PPP2R5E: variants seen among roughly 807,000 people sequenced by gnomAD.
The protein encoded by PPP2R5E is serine/threonine-protein phosphatase 2A 56 kDa regulatory subunit epsilon isoform.
A neutral mutation model predicts 65.3 loss-of-function variants in PPP2R5E; 4 were observed. That is an observed-to-expected ratio of 0.06 (90% CI 0.03 to 0.14). The LOEUF (loss-of-function observed/expected upper bound fraction) is 0.14, where lower values mean the gene tolerates loss of function less well. Among genes scored for constraint, PPP2R5E ranks in the 10% least tolerant of loss-of-function variants. PPP2R5E has a pLI of 1.00. For synonymous variants in PPP2R5E, 183 were observed against 187.4 expected, an observed-to-expected ratio of 0.98 and a Z score of 0.19; for missense variants, 274 against 556.1, an observed-to-expected ratio of 0.49 and a Z score of 5.10.
At chr14:63,522,210 T>A (rs1272833951) in intron 2 of PPP2R5E, among the ~76,000 whole-genome samples, 1 of 152,092 alleles carries the variant, frequency 6.6e-6, no homozygotes, top group East Asian at 1.9e-4. Flanking sequence ...CCTCCCGAGG[T>A]GCCGGGATTG....
At chr14:63,511,617 A>C (rs558648381) in intron 2 of PPP2R5E, among the ~76,000 whole-genome samples, 1 of 152,228 alleles carries the variant, frequency 6.6e-6, no homozygotes, top group Non-Finnish European at 1.5e-5. Flanking sequence ...GCCACCTAAC[A>C]GCATTATATA....
intron 2 of PPP2R5E, among the ~76,000 whole-genome samples, chr14:63,498,390 T>C (rs1891687040): frequency 6.6e-6 from 1 of 152,216 alleles, no homozygotes; most frequent in Non-Finnish European, 1.5e-5. Flanking sequence ...TCTTTTTTTC[T>C]TTTTAAGTCT....
chr14:63,449,519 G>A (rs1888691560), intron 3 of PPP2R5E, among the ~76,000 whole-genome samples: 1 of 152,192 alleles, frequency 6.6e-6, no homozygotes, highest in Non-Finnish European at 1.5e-5. Flanking sequence ...GCACCAGGAT[G>A]TATATATACA....
intron 3 of PPP2R5E, among the ~76,000 whole-genome samples, chr14:63,434,459 A>T (rs1028750562): frequency 6.6e-6 from 1 of 152,234 alleles, no homozygotes; most frequent in African/African-American, 2.4e-5. Context: ...TCCAGTGAAG[A>T]AGTACACAAC....
intron 3 of PPP2R5E, among the ~76,000 whole-genome samples, chr14:63,431,198 G>A (rs1887651220): frequency 6.6e-6 from 1 of 151,706 alleles, no homozygotes; most frequent in Non-Finnish European, 1.5e-5. Flanking sequence ...AACCCAGGAG[G>A]CAGCGGTTGC....
At chr14:63,413,237 T>C (rs750750228) in intron 5 of PPP2R5E, among the ~76,000 whole-genome samples, 24 of 152,224 alleles carry the variant, frequency 1.6e-4, no homozygotes, top group Non-Finnish European at 2.8e-4. Flanking sequence ...GATGTTTTTG[T>C]GTAAGAAAAG....
intron 13 of PPP2R5E, among the ~76,000 whole-genome samples, chr14:63,376,939 G>A (rs1172097086): frequency 5.9e-5 from 9 of 151,920 alleles, no homozygotes; most frequent in South Asian, 2.1e-4. Flanking sequence ...AGGCCGAGGC[G>A]GGTGGATCAT....
chr14:63,397,541 T>C (rs1316606318), intron 5 of PPP2R5E, among the ~76,000 whole-genome samples: 2 of 144,772 alleles, frequency 1.4e-5, no homozygotes, highest in Admixed American at 1.4e-4. Context: ...GGATAAGCCT[T>C]CAGCTCTACT....
intron 5 of PPP2R5E, 63 bp from the exon 6 acceptor site, chr14:63,396,779 T>C: frequency 6.4e-7 from 1 of 1,573,558 alleles, no homozygotes; most frequent in Non-Finnish European, 8.6e-7. Flanking sequence ...TTAGGAATTC[T>C]ATTATTTAAA....
chr14:63,483,665 G>C (rs1329515597), intron 2 of PPP2R5E, among the ~76,000 whole-genome samples: 1 of 152,170 alleles, frequency 6.6e-6, no homozygotes, highest in Non-Finnish European at 1.5e-5. Context: ...AGCTCCTGCA[G>C]GCAGCTCCAT....
chr14:63,444,328 A>T (rs140900050), intron 3 of PPP2R5E, among the ~76,000 whole-genome samples: 4 of 152,280 alleles, frequency 2.6e-5, no homozygotes, highest in South Asian at 2.1e-4. Flanking sequence ...GCCTTCCTTA[A>T]CCACCCTTCT....
intron 3 of PPP2R5E, among the ~76,000 whole-genome samples, chr14:63,435,351 T>G (rs1887904068): frequency 1.3e-5 from 2 of 152,164 alleles, no homozygotes; most frequent in South Asian, 4.1e-4. Flanking sequence ...TATGGGTGAT[T>G]CTTTTTTTTG....
At chr14:63,458,309 TAG>T (rs1555362218) in intron 2 of PPP2R5E, among the ~76,000 whole-genome samples, 2 of 152,246 alleles carry the variant, frequency 1.3e-5, no homozygotes, top group Non-Finnish European at 2.9e-5. Context: ...TCTTCCCTAC[TAG>T]TCCACTTCCA....
At chr14:63,407,957 T>C (rs1886183252) in intron 5 of PPP2R5E, among the ~76,000 whole-genome samples, 1 of 152,246 alleles carries the variant, frequency 6.6e-6, no homozygotes, top group South Asian at 2.1e-4. Context: ...AATAAACTTC[T>C]GTTCTTTATA....
chr14:63,408,912 T>A (rs999865076), intron 5 of PPP2R5E, among the ~76,000 whole-genome samples: 3 of 152,142 alleles, frequency 2.0e-5, no homozygotes, highest in Non-Finnish European at 4.4e-5. Flanking sequence ...CTGGCCAACA[T>A]GGTGAAACCA....
intron 2 of PPP2R5E, among the ~76,000 whole-genome samples, chr14:63,475,670 A>G (rs1356048420): frequency 6.6e-6 from 1 of 152,246 alleles, no homozygotes; most frequent in Non-Finnish European, 1.5e-5. Context: ...GCAAAGAAGA[A>G]CTGTTTATAG....
chr14:63,509,570 C>A (rs1033409164), intron 2 of PPP2R5E, among the ~76,000 whole-genome samples: 2 of 152,118 alleles, frequency 1.3e-5, no homozygotes, highest in Non-Finnish European at 2.9e-5. Context: ...AGTCGCTGTG[C>A]CAGGCCTAAT....
intron 2 of PPP2R5E, among the ~76,000 whole-genome samples, chr14:63,536,200 G>A (rs2139770209): frequency 6.6e-6 from 1 of 152,224 alleles, no homozygotes; most frequent in Non-Finnish European, 1.5e-5. Context: ...AGAGTTCTTG[G>A]AAAACTGGCA....
At chr14:63,493,413 T>G (rs542617456) in intron 2 of PPP2R5E, among the ~76,000 whole-genome samples, 1 of 151,266 alleles carries the variant, frequency 6.6e-6, no homozygotes, top group African/African-American at 2.4e-5. Flanking sequence ...GTCCTTACTC[T>G]TTCCCGCTTC....
Sources: gnomAD v4.1 joint callset for allele counts (sites outside exome capture counted in the v4.1 genomes callset) on GRCh38, gnomAD v4.1.1 for gene constraint, MANE v1.5 for transcripts, NCBI Gene and HGNC (gene_info 2026-07-23, HGNC 2026-07-21) for gene names.